The following ATP8B1 variants were observed in gnomAD, a reference collection of about 807,000 sequenced individuals.
ATP8B1 encodes the protein ATPase phospholipid transporting 8B1.
A neutral mutation model predicts 149.9 loss-of-function variants in ATP8B1; 80 were observed. The observed-to-expected ratio is 0.53, with a 90% CI of 0.45 to 0.64. The LOEUF is 0.64. Among genes scored for constraint, ATP8B1 ranks in the 30% least tolerant of loss-of-function variants. The probability of loss-of-function intolerance (pLI) is 0.00; values close to 1 mark genes in which losing one functional copy is unlikely to be tolerated. For synonymous variants in ATP8B1, 536 were observed against 562.8 expected (o/e 0.95, Z 0.67); for missense variants, 1,247 against 1,552.6 (o/e 0.80, Z 3.31).
At chr18:57,754,641 T>C (rs1369022010) in intron 1 of ATP8B1, among the ~76,000 whole-genome samples, 1 of 152,116 alleles carries the variant, frequency 6.6e-6, no homozygotes, top group Non-Finnish European at 1.5e-5. Flanking sequence ...TTATGTGAGA[T>C]AATTAAATAC....
chr18:57,648,475 T>TG lies in ATP8B1; in HGVS notation c.*12dup. The TG allele has an allele frequency of 6.2e-7, 1 of 1,610,942 alleles. No individual in the cohort carries two copies. The highest frequency in any genetic ancestry group is 8.5e-7 in the Non-Finnish European group (1 of 1,179,876). On this transcript the variant is annotated 3_prime_UTR_variant, in exon 28 of 28. Transcript: ENST00000648908. Reference sequence around the variant, plus strand: ...CGTGCTTTGTGGCCGCATCCCAGCCTGGGGGTAAGGGATCAGCTGTCCCCG... The same window carrying TG: ...CGTGCTTTGTGGCCGCATCCCAGCCTGGGGGGTAAGGGATCAGCTGTCCCCG...
chr18:57,722,180 T>G (rs938848109), intron 2 of ATP8B1, among the ~76,000 whole-genome samples: 10 of 151,276 alleles, frequency 6.6e-5, no homozygotes, highest in African/African-American at 2.4e-4. Flanking sequence ...ACATCACAAT[T>G]AAAAGAAGTA....
At chr18:57,709,043 G>A (rs2122991696) in intron 2 of ATP8B1, among the ~76,000 whole-genome samples, 1 of 152,296 alleles carries the variant, frequency 6.6e-6, no homozygotes, top group Admixed American at 6.5e-5. Context: ...GTCTGCAATT[G>A]AACCGCAAAC....
In ATP8B1 at chr18:57,648,610, AG is replaced by A. The variant is rs1416977240; in HGVS notation, c.3633del (p.Ser1212ArgfsTer77). 6.2e-7 allele frequency: 1 copy of A among 1,610,574 alleles called. No individual in the cohort carries two copies. Among genetic ancestry groups the A allele is most frequent in the East Asian group, 2.2e-5 (1 of 44,840 alleles). On this transcript the variant is annotated frameshift_variant, in exon 28 of 28. Coordinates refer to ENST00000648908, the MANE Select transcript of ATP8B1 (RefSeq NM_001374385.1). LOFTEE classifies it high-confidence loss of function. The stretch of plus-strand genomic sequence containing the variant: ...AGGTCCGCGTAGCCCCGCTGGTGCG[AG>A]AAGGCGTAGGCCGAGCGCCGCGTTG... ...GVSTRRSAYA[F>X]SHQRGYADLI...
At chr18:57,755,028 G>A (rs1216600804) in intron 1 of ATP8B1, among the ~76,000 whole-genome samples, 1 of 152,138 alleles carries the variant, frequency 6.6e-6, no homozygotes, top group Non-Finnish European at 1.5e-5. Context: ...AAGTGGTTTT[G>A]TTTATGGTGT....
chr18:57,661,517 A>T, intron 21 of ATP8B1, 55 bp from the exon 22 acceptor site: 2 of 1,553,918 alleles, frequency 1.3e-6, no homozygotes, highest in South Asian at 1.2e-5. Context: ...CCCCAGGAGT[A>T]CCATTCCCAA....
At chr18:57,734,436 T>C (rs1351292094) in intron 1 of ATP8B1, among the ~76,000 whole-genome samples, 1 of 152,178 alleles carries the variant, frequency 6.6e-6, no homozygotes, top group Non-Finnish European at 1.5e-5. Flanking sequence ...AGATGATGCA[T>C]GCAAAATGCT....
At chr18:57,652,345 A>G (rs901687134) in intron 25 of ATP8B1, 139 bp downstream of exon 25, 3 of 1,459,218 alleles carry the variant, frequency 2.1e-6, no homozygotes, top group Non-Finnish European at 2.8e-6. Context: ...TGTGCTTGGT[A>G]TAAGAGATGA....
chr18:57,653,282 CTTT>C (rs199543849), intron 24 of ATP8B1, among the ~76,000 whole-genome samples: 5 of 114,466 alleles, frequency 4.4e-5, no homozygotes, highest in Admixed American at 1.0e-4. Context: ...CTTTTCTTTT[CTTT>C]TTTTTTTTTT....
intron 1 of ATP8B1, among the ~76,000 whole-genome samples, chr18:57,787,845 A>G (rs375382793): frequency 6.6e-6 from 1 of 152,188 alleles, no homozygotes; most frequent in African/African-American, 2.4e-5. Flanking sequence ...AATTTTATAC[A>G]TCTTCTAAAG....
intron 4 of ATP8B1, among the ~76,000 whole-genome samples, chr18:57,702,569 A>AGG (rs1913179355): frequency 6.6e-6 from 1 of 152,188 alleles, no homozygotes; most frequent in Non-Finnish European, 1.5e-5. Flanking sequence ...TTAAGAGAAG[A>AGG]TAACTGCGCC....
chr18:57,674,772 T>C (rs368208867), intron 16 of ATP8B1, 62 bp downstream of exon 16: 9 of 1,573,762 alleles, frequency 5.7e-6, no homozygotes, highest in Middle Eastern at 3.3e-4. Context: ...TGCCACTCAA[T>C]ACAATGGGCA....
intron 1 of ATP8B1, among the ~76,000 whole-genome samples, chr18:57,788,439 C>T (rs1472840684): frequency 2.6e-5 from 4 of 151,990 alleles, no homozygotes; most frequent in East Asian, 3.9e-4. Context: ...TCTGTAATCC[C>T]AGCTACTTGG....
chr18:57,707,238 G>A (rs1455070163), intron 2 of ATP8B1, among the ~76,000 whole-genome samples: 3 of 152,116 alleles, frequency 2.0e-5, no homozygotes, highest in Admixed American at 2.0e-4. Context: ...GGAGGTTGCA[G>A]TGAGCTGAGA....
At chr18:57,781,773 G>A (rs1377101592) in intron 1 of ATP8B1, among the ~76,000 whole-genome samples, 1 of 152,128 alleles carries the variant, frequency 6.6e-6, no homozygotes, top group African/African-American at 2.4e-5. Flanking sequence ...TTGATGCCAG[G>A]AGTTTGAGAC....
intron 16 of ATP8B1, among the ~76,000 whole-genome samples, chr18:57,674,257 AAGAAAAG>A (rs1911446226): frequency 1.5e-5 from 2 of 132,640 alleles, no homozygotes; most frequent in Admixed American, 8.4e-5. Flanking sequence ...AAAAAAAAAA[AAGAAAAG>A]AAAAGAAAAA....
At chr18:57,714,396 G>A (rs1462451291) in intron 2 of ATP8B1, among the ~76,000 whole-genome samples, 1 of 152,160 alleles carries the variant, frequency 6.6e-6, no homozygotes, top group African/African-American at 2.4e-5. Context: ...CTTCACAACA[G>A]GGCATTGAGG....
intron 16 of ATP8B1, among the ~76,000 whole-genome samples, chr18:57,672,106 C>T (rs1341117091): frequency 2.0e-5 from 3 of 152,164 alleles, no homozygotes; most frequent in African/African-American, 4.8e-5. Flanking sequence ...CCTTCACAGT[C>T]AGCTCTGTTT....
chr18:57,798,163 G>A (rs1426902074), intron 1 of ATP8B1, among the ~76,000 whole-genome samples: 2 of 152,112 alleles, frequency 1.3e-5, no homozygotes, highest in African/African-American at 4.8e-5. Flanking sequence ...CGCCTACCCA[G>A]GATCCACAAC....
Sources: allele counts gnomAD v4.1 joint callset (sites outside exome capture counted in the v4.1 genomes callset), GRCh38; gene constraint gnomAD v4.1.1; transcripts MANE v1.5; gene names NCBI Gene and HGNC (gene_info 2026-07-23, HGNC 2026-07-21).